The following MCF2L variants were observed in gnomAD, a reference collection of about 807,000 sequenced individuals.
MCF2L encodes MCF.2 cell line derived transforming sequence like.
MCF2L carries 97 observed loss-of-function variants against 153.4 expected under a neutral mutation model. The ratio of observed to expected loss-of-function variants is 0.63; its 90% CI spans 0.54 to 0.75. The LOEUF (loss-of-function observed/expected upper bound fraction) is 0.75. Ranked by LOEUF, MCF2L falls within the 30% of genes least tolerant of loss-of-function variation. MCF2L has a pLI of 0.00. For synonymous variants in MCF2L, 659 were observed against 632.2 expected (o/e 1.04, Z -0.64); for missense variants, 1,347 against 1,495.2 (o/e 0.90, Z 1.64).
In MCF2L at chr13:113,085,196, C is replaced by A. The variant is rs574781440; in HGVS notation, c.2247+18C>A. The stretch of plus-strand genomic sequence containing the variant: ...TGCTCAAGGTGGGCTCCGCGGTGAC[C>A]GTGGCCCGGCCTCCCCAGCACCTGC... On this transcript the variant is annotated intron_variant, in intron 20 of 29. Transcript: ENST00000535094. The A allele has an allele frequency of 1.8e-5, 29 of 1,609,376 alleles. No individual in the cohort carries two copies. The African/African-American group carries it at 3.1e-4, about 17-fold the overall frequency.
At chr13:113,017,061 C>T (rs1400415406) in intron 2 of MCF2L, among the ~76,000 whole-genome samples, 12 of 152,228 alleles carry the variant, frequency 7.9e-5, no homozygotes, top group Non-Finnish European at 1.6e-4. Flanking sequence ...GGATCAGTGT[C>T]GGCTGGCGCT....
rs1017543354 is a variant in MCF2L at position 112,960,175 on chromosome 13, T to G, written c.170-54588T>G. ...ACACAATGGAAGTTTAGTTGGCTCA[T>G]GGTCCTGGAGGCTTGGAAGCCCAAG... On this transcript the variant is annotated intron_variant, in intron 2 of 29. Coordinates refer to the MCF2L transcript ENST00000375608. The surrounding 1 kb of genome is among the most constrained non-coding windows in gnomAD (Gnocchi z 4.2). Among the ~76,000 whole-genome samples the G allele has an allele frequency of 6.6e-6, 1 of 152,240 alleles. No individual in the cohort carries two copies. Among genetic ancestry groups the G allele is most frequent in the African/African-American group, 2.4e-5 (1 of 41,458 alleles).
At chr13:112,905,732 G>T (rs911063229) in intron 2 of MCF2L, among the ~76,000 whole-genome samples, 1 of 152,154 alleles carries the variant, frequency 6.6e-6, no homozygotes, top group Non-Finnish European at 1.5e-5. Flanking sequence ...CCTTTTTAAG[G>T]CTGAGTAATA....
chr13:113,002,053 G>A lies in MCF2L; in HGVS notation c.80-12710G>A. On this transcript the variant is annotated intron_variant, in intron 1 of 29. Transcript: ENST00000535094. Reference sequence around the variant, plus strand: ...TGGGGCGACAGTGCGGGGACGCCGGGCGGGGGTGGACGTTCTGGGCCCAGC... The same window carrying A: ...TGGGGCGACAGTGCGGGGACGCCGGACGGGGGTGGACGTTCTGGGCCCAGC... 2.1e-6 allele frequency: 3 copies of A among 1,427,332 alleles called. No homozygotes were observed. In the South Asian group the frequency reaches 4.5e-5, roughly 21 times the overall value. The allele number at this position is 1,427,332 out of a possible 1,614,324, so 88.4% of individuals were successfully genotyped here.
rs564816114 is a variant in MCF2L at position 112,993,354 on chromosome 13, C to T, written c.80-21409C>T. Among the ~76,000 whole-genome samples the T allele has an allele frequency of 2.6e-5, 4 of 152,328 alleles. No individual in the cohort carries two copies. Among genetic ancestry groups the T allele is most frequent in the Admixed American group, 2.0e-4 (3 of 15,306 alleles). ...GACCTGAGGGCTCTGGGGTCAACAC[C>T]GGTCCAGGAATTTGACTGTTAGCCA... On this transcript the variant is annotated intron_variant, in intron 1 of 29. Coordinates refer to ENST00000535094, the MANE Select transcript of MCF2L (RefSeq NM_001112732.3). The surrounding 1 kb of genome is among the most constrained non-coding windows in gnomAD (Gnocchi z 4.6).
intron 23 of MCF2L, 80 bp downstream of exon 23, chr13:113,087,879 A>G (rs1595004198): frequency 2.4e-6 from 3 of 1,246,822 alleles, no homozygotes; most frequent in Non-Finnish European, 3.5e-6. Flanking sequence ...AGGATCTGCC[A>G]TGAAGTTGCA....
intron 2 of MCF2L, among the ~76,000 whole-genome samples, chr13:112,920,347 A>C (rs565792584): frequency 6.6e-6 from 1 of 152,202 alleles, no homozygotes; most frequent in Admixed American, 6.5e-5. Flanking sequence ...AGCTATGAAG[A>C]GTGATGTCTG....
chr13:112,954,613 C>T (rs553355792), intron 2 of MCF2L, among the ~76,000 whole-genome samples: 5 of 152,206 alleles, frequency 3.3e-5, no homozygotes, highest in Non-Finnish European at 7.3e-5. Flanking sequence ...GCTCTTCCCA[C>T]TGGGCTCTGA....
intron 1 of MCF2L, among the ~76,000 whole-genome samples, chr13:113,004,478 C>A (rs2083563212): frequency 6.6e-6 from 1 of 152,232 alleles, no homozygotes; most frequent in African/African-American, 2.4e-5. Context: ...TCCTCTGGGT[C>A]CCTGTAGCCT....
chr13:112,914,417 G>C (rs990108515), intron 2 of MCF2L, among the ~76,000 whole-genome samples: 1 of 152,300 alleles, frequency 6.6e-6, no homozygotes, highest in African/African-American at 2.4e-5. Context: ...CGTCTCTGCT[G>C]ATGGGCACTA....
chr13:112,909,573 A>C, intron 2 of MCF2L: 1 of 440,976 alleles, frequency 2.3e-6, no homozygotes, highest in Non-Finnish European at 4.1e-6. Flanking sequence ...AGGAGAGTCT[A>C]ATAACCAAGA....
chr13:112,962,208 C>T (rs566071027), intron 2 of MCF2L, among the ~76,000 whole-genome samples: 1 of 89,762 alleles, frequency 1.1e-5, no homozygotes, highest in Non-Finnish European at 2.8e-5. Flanking sequence ...TGCTCACACA[C>T]TTGCACACAG....
intron 3 of MCF2L, chr13:113,042,533 C>T (rs2086564315): frequency 6.6e-6 from 1 of 152,212 alleles, no homozygotes; most frequent in Non-Finnish European, 1.5e-5. Flanking sequence ...GTGGAAGCCC[C>T]ACACAGGCAG....
rs961420699 is a variant in MCF2L at position 113,031,024 on chromosome 13, AAGAG to A, written c.278+6270_278+6273del. 6.6e-6 allele frequency among the ~76,000 whole-genome samples: 1 copy of A among 151,342 alleles called. No homozygotes were observed. The highest frequency in any genetic ancestry group is 6.6e-5 in the Admixed American group (1 of 15,208). ...CTGTGGGAAAACAATGTGAGAAAGA[AAGAG>A]AGACAGAGAGACAGAGACAGACAGA... On this transcript the variant is annotated intron_variant, in intron 3 of 29. Transcript: ENST00000535094. The surrounding 1 kb of genome is among the most constrained non-coding windows in gnomAD (Gnocchi z 5.5).
At chr13:112,945,516 T>C (rs928225508) in intron 2 of MCF2L, among the ~76,000 whole-genome samples, 2 of 152,268 alleles carry the variant, frequency 1.3e-5, no homozygotes, top group African/African-American at 2.4e-5. Flanking sequence ...TCACTATCTT[T>C]GGGATCTTTT....
intron 12 of MCF2L, among the ~76,000 whole-genome samples, chr13:113,076,438 T>C (rs886667684): frequency 1.3e-5 from 2 of 152,110 alleles, no homozygotes; most frequent in African/African-American, 2.4e-5. Context: ...CTAATTTTTG[T>C]ATTTTTATTA....
intron 2 of MCF2L, among the ~76,000 whole-genome samples, chr13:112,915,408 C>CAAAAA (rs1430821011): frequency 3.1e-4 from 2 of 6,426 alleles, no homozygotes; most frequent in African/African-American, 1.6e-3. Flanking sequence ...GACTCTGTCT[C>CAAAAA]ACAAAAAAAA....
chr13:112,940,857 G>A (rs1387354572), intron 2 of MCF2L, among the ~76,000 whole-genome samples: 2 of 152,110 alleles, frequency 1.3e-5, no homozygotes, highest in African/African-American at 2.4e-5. Context: ...TAGTTACTTA[G>A]CTACCTACGC....
intron 2 of MCF2L, among the ~76,000 whole-genome samples, chr13:112,963,825 C>G (rs1467026463): frequency 2.0e-5 from 3 of 152,202 alleles, no homozygotes; most frequent in African/African-American, 7.2e-5. Flanking sequence ...GGTGGGGCCA[C>G]AGCCAAGAGT....
Sources: gnomAD v4.1 joint callset for allele counts (sites outside exome capture counted in the v4.1 genomes callset) on GRCh38, gnomAD v4.1.1 for gene constraint, Gnocchi (gnomAD v3.1) non-coding constraint, MANE v1.5 for transcripts, NCBI Gene and HGNC (gene_info 2026-07-23, HGNC 2026-07-21) for gene names.